The following SH3BGRL variants were observed in gnomAD, a reference collection of about 807,000 sequenced individuals.
The protein encoded by SH3BGRL is adapter SH3BGRL.
In SH3BGRL, 7 loss-of-function variants were observed where a neutral mutation model predicts 9.8. That is an observed-to-expected ratio of 0.72 (90% CI 0.41 to 1.35). The LOEUF is 1.35. SH3BGRL is among the 40% of genes most tolerant of loss of function. The pLI, the probability that SH3BGRL is intolerant of heterozygous loss-of-function variation, is 0.01. For synonymous variants in SH3BGRL, 36 were observed against 29.1 expected (o/e 1.24, Z -0.76); for missense variants, 73 against 84.4 (o/e 0.86, Z 0.53).
chrX:81,252,184 C>T (rs188129237), intron 1 of SH3BGRL, among the ~76,000 whole-genome samples: 232 of 111,687 alleles, frequency 2.1e-3, no homozygotes, highest in African/African-American at 7.1e-3. Flanking sequence ...AGAAACATTC[C>T]TGAGATATAC....
chrX:81,297,078 T>C, intron 3 of SH3BGRL, 117 bp from the exon 4 acceptor site: 1 of 502,805 alleles, frequency 2.0e-6, no homozygotes, highest in Non-Finnish European at 3.2e-6. Flanking sequence ...AAGAAATCTC[T>C]TCTGGGGGCT....
chrX:81,216,726 A>C (rs1282253729), intron 1 of SH3BGRL, among the ~76,000 whole-genome samples: 1 of 111,603 alleles, frequency 9.0e-6, no homozygotes, highest in Non-Finnish European at 1.9e-5. Flanking sequence ...CATTTCACTT[A>C]AAATAATGTC....
chrX:81,203,116 G>T (rs1365754810), intron 1 of SH3BGRL, among the ~76,000 whole-genome samples: 1 of 111,352 alleles, frequency 9.0e-6, no homozygotes, highest in Non-Finnish European at 1.9e-5. Context: ...ATGATAAACT[G>T]GGGTGCAAGA....
intron 3 of SH3BGRL, among the ~76,000 whole-genome samples, chrX:81,278,616 G>A (rs1422885597): frequency 8.9e-6 from 1 of 112,163 alleles, no homozygotes; most frequent in Admixed American, 9.4e-5. Context: ...TGTTTAGCAG[G>A]TAGGTAGAGT....
chrX:81,221,277 C>T (rs2075599308), intron 1 of SH3BGRL, among the ~76,000 whole-genome samples: 2 of 111,140 alleles, frequency 1.8e-5, no homozygotes, highest in Admixed American at 9.6e-5. Context: ...TAATTTTTGC[C>T]TTATATATCT....
chrX:81,258,587 AAATC>A (rs2147699261), intron 1 of SH3BGRL, among the ~76,000 whole-genome samples: 1 of 112,513 alleles, frequency 8.9e-6, no homozygotes, highest in Admixed American at 9.4e-5. Context: ...AACCTGTCCT[AAATC>A]AAGGTGTTTT....
At chrX:81,269,067 T>A (rs1336117088) in intron 1 of SH3BGRL, among the ~76,000 whole-genome samples, 1 of 111,601 alleles carries the variant, frequency 9.0e-6, no homozygotes, top group African/African-American at 3.3e-5. Context: ...TCCATTTGCT[T>A]GATAGATCTT....
At chrX:81,277,924 G>A (rs1455392362) in intron 2 of SH3BGRL, among the ~76,000 whole-genome samples, 1 of 112,038 alleles carries the variant, frequency 8.9e-6, no homozygotes, top group Non-Finnish European at 1.9e-5. Flanking sequence ...TCCCCAAGGA[G>A]GTAGATGATT....
chrX:81,229,105 A>G (rs1427988771), intron 1 of SH3BGRL, among the ~76,000 whole-genome samples: 2 of 111,582 alleles, frequency 1.8e-5, no homozygotes, highest in African/African-American at 6.5e-5. Context: ...AGTGTCCATG[A>G]TTAAACAACA....
At chrX:81,295,656 G>A (rs1369558931) in intron 3 of SH3BGRL, among the ~76,000 whole-genome samples, 3 of 111,697 alleles carry the variant, frequency 2.7e-5, no homozygotes, top group African/African-American at 6.5e-5. Flanking sequence ...TCTCTCTCAA[G>A]TGCAAATTTC....
intron 1 of SH3BGRL, among the ~76,000 whole-genome samples, chrX:81,238,147 C>A (rs2075654349): frequency 1.8e-5 from 2 of 110,181 alleles, no homozygotes; most frequent in African/African-American, 6.6e-5. Flanking sequence ...CTTAAGGTAC[C>A]CGCTTGGCTG....
rs1281131878 is a variant in SH3BGRL, at chrX:81,298,161, G to C, written c.*934G>C. ...CAATCGTAAATGCTACTATTCCTAA[G>C]ATATCTTACCTTTTTATTTCAGTTT... On this transcript the variant is annotated 3_prime_UTR_variant, in exon 4 of 4. Coordinates refer to ENST00000373212, the MANE Select transcript of SH3BGRL (RefSeq NM_003022.3). 1 of 111,628 alleles carries C rather than the reference G, an allele frequency of 9.0e-6. No individual in the cohort carries two copies. The highest frequency in any genetic ancestry group is 1.9e-5 in the Non-Finnish European group (1 of 52,874). 9.2% of individuals were successfully genotyped at this position (111,628 alleles called of 1,213,427 possible).
chrX:81,250,708 C>T (rs762976420), intron 1 of SH3BGRL, among the ~76,000 whole-genome samples: 2 of 111,924 alleles, frequency 1.8e-5, no homozygotes, highest in South Asian at 7.5e-4. Context: ...CATAAAGCAC[C>T]CATAGGTGCA....
At chrX:81,294,190 G>A (rs2075866872) in intron 3 of SH3BGRL, among the ~76,000 whole-genome samples, 1 of 111,532 alleles carries the variant, frequency 9.0e-6, no homozygotes, top group Non-Finnish European at 1.9e-5. Flanking sequence ...AAGTAATGAG[G>A]AGCCAATTAT....
rs2075883153 is a variant in SH3BGRL, at chrX:81,298,481, C to G, written c.*1254C>G. 9.0e-6 allele frequency: 1 copy of G among 111,019 alleles called. No individual in the cohort carries two copies. Among genetic ancestry groups the G allele is most frequent in the South Asian group, 3.7e-4 (1 of 2,690 alleles). The allele number at this position is 111,019 out of a possible 1,213,427, so 9.1% of individuals were successfully genotyped here. A position where few individuals can be genotyped will look rare whatever the true frequency, so the allele number is the denominator to read the frequency against. On this transcript the variant is annotated 3_prime_UTR_variant, in exon 4 of 4. Coordinates refer to ENST00000373212, the MANE Select transcript of SH3BGRL (RefSeq NM_003022.3). ...AAATCAACATATAATGAAGAGATGC[C>G]TTTGTTTCATGAGATTCAAACTTGA... is the stretch of plus-strand genomic sequence containing the variant.
intron 1 of SH3BGRL, among the ~76,000 whole-genome samples, chrX:81,216,132 A>G (rs991395124): frequency 4.5e-5 from 5 of 111,494 alleles, no homozygotes; most frequent in African/African-American, 1.6e-4. Flanking sequence ...TCCTTTATTT[A>G]TAATCTCAAC....
rs186789574 is a variant in SH3BGRL at position 81,286,245 on chromosome X, G to A, written c.312+7834G>A. 3.2e-3 allele frequency among the ~76,000 whole-genome samples: 355 copies of A among 110,075 alleles called. 2 individuals are homozygous for A. Among genetic ancestry groups the A allele is most frequent in the African/African-American group, 0.011 (336 of 30,438 alleles). On this transcript the variant is annotated intron_variant, in intron 3 of 3. Transcript: ENST00000373212. ...ACAAAATAAATATTTGGTGATGCTT[G>A]TGCAGAAAGGAAAACGACTCTATTG...
chrX:81,225,207 T>C (rs2075612987), intron 1 of SH3BGRL, among the ~76,000 whole-genome samples: 1 of 111,386 alleles, frequency 9.0e-6, no homozygotes, highest in Admixed American at 9.6e-5. Context: ...TCAACAAAAA[T>C]AAAATTTGAT....
intron 1 of SH3BGRL, among the ~76,000 whole-genome samples, chrX:81,268,882 T>G (rs1386118520): frequency 8.9e-6 from 1 of 111,897 alleles, no homozygotes; most frequent in Non-Finnish European, 1.9e-5. Flanking sequence ...AAGAACTTGC[T>G]TTATGAATCT....
Sources: gnomAD v4.1 joint callset for allele counts (sites outside exome capture counted in the v4.1 genomes callset) on GRCh38, gnomAD v4.1.1 for gene constraint, MANE v1.5 for transcripts, NCBI Gene and HGNC (gene_info 2026-07-23, HGNC 2026-07-21) for gene names.